The following RBFOX1 variants were observed in gnomAD, a reference collection of about 807,000 sequenced individuals.
The protein encoded by RBFOX1 is RNA binding fox-1 homolog 1.
In RBFOX1, 8 loss-of-function variants were observed where a neutral mutation model predicts 57.7. That is an observed-to-expected ratio of 0.14 (90% CI 0.08 to 0.25). RBFOX1 has a LOEUF of 0.25. Among genes scored for constraint, RBFOX1 ranks in the 10% least tolerant of loss-of-function variants. The pLI, the probability that RBFOX1 is intolerant of heterozygous loss-of-function variation, is 1.00. For missense variants in RBFOX1, 611 were observed against 548.5 expected (o/e 1.11, Z -1.14); for synonymous variants, 326 against 222.4 (o/e 1.47, Z -4.15).
intron 3 of RBFOX1, among the ~76,000 whole-genome samples, chr16:5,839,664 A>C (rs2056566522): frequency 6.6e-6 from 1 of 152,174 alleles, no homozygotes; most frequent in African/African-American, 2.4e-5. Context: ...TTCAAGCTTT[A>C]CTTAACAGTT....
intron 4 of RBFOX1, among the ~76,000 whole-genome samples, chr16:7,447,430 C>CAAAAAAAAAAAAA (rs202234230): frequency 6.1e-5 from 6 of 98,518 alleles, no homozygotes; most frequent in African/African-American, 1.5e-4. Context: ...GAGTCTATCT[C>CAAAAAAAAAAAAA]AAAAAAAAAA....
At chr16:6,996,476 C>G (rs949995990) in intron 3 of RBFOX1, among the ~76,000 whole-genome samples, 1 of 152,090 alleles carries the variant, frequency 6.6e-6, no homozygotes, top group African/African-American at 2.4e-5. Flanking sequence ...TATATCCATC[C>G]TCCTATCTGG....
At chr16:6,239,574 C>G (rs761975595) in intron 1 of RBFOX1, among the ~76,000 whole-genome samples, 11 of 135,170 alleles carry the variant, frequency 8.1e-5, no homozygotes, top group Middle Eastern at 4.2e-3. Flanking sequence ...CCTCGGCTTA[C>G]TGCATCCTCC....
intron 1 of RBFOX1, among the ~76,000 whole-genome samples, chr16:6,263,400 C>A (rs1212229387): frequency 1.3e-5 from 2 of 152,102 alleles, no homozygotes; most frequent in East Asian, 3.9e-4. Flanking sequence ...AAGAGAGAGG[C>A]TCTGATAAAC....
intron 3 of RBFOX1, among the ~76,000 whole-genome samples, chr16:5,762,288 A>G (rs1429954034): frequency 6.6e-6 from 1 of 152,160 alleles, no homozygotes; most frequent in Non-Finnish European, 1.5e-5. Context: ...GGGTAGCAAC[A>G]AAGGATTTAA....
intron 3 of RBFOX1, among the ~76,000 whole-genome samples, chr16:7,001,398 T>TGTATGTGTATGTGTATTTGTATA (rs2092782327): frequency 1.4e-4 from 14 of 100,922 alleles, no homozygotes; most frequent in African/African-American, 4.5e-4. Context: ...GTATGTGTAT[T>TGTATGTGTATGTGTATTTGTATA]TGTATATGTA....
At chr16:7,165,933 TACACACACAC>T (rs889669390) in intron 4 of RBFOX1, among the ~76,000 whole-genome samples, 3 of 143,260 alleles carry the variant, frequency 2.1e-5, no homozygotes, top group Admixed American at 1.4e-4. Flanking sequence ...CGCATGCACA[TACACACACAC>T]ACACACACAC....
rs185120371 is a variant in RBFOX1, at chr16:7,189,287, G to C, written c.27+137189G>C. On this transcript the variant is annotated intron_variant, in intron 4 of 15. Coordinates refer to ENST00000550418, the MANE Select transcript of RBFOX1 (RefSeq NM_018723.4). ...AAAAATACAAAAAAATTAGCCGGGC[G>C]TGGTGGCGGGCGCCTGAAGTCACAG... Among the ~76,000 whole-genome samples the C allele has an allele frequency of 1.6e-4, 24 of 151,850 alleles. 1 individual carries two copies. The highest frequency in any genetic ancestry group is 5.8e-4 in the African/African-American group (24 of 41,426).
In RBFOX1 at chr16:7,517,915, A is replaced by G. The variant is rs537853430; in HGVS notation, c.28-232A>G. 5.3e-5 allele frequency among the ~76,000 whole-genome samples: 8 copies of G among 151,798 alleles called. No homozygotes were observed. The East Asian group carries it at 7.8e-4, about 15-fold the overall frequency. ...GCTTGGAAAAAGCGACTTTATCTTTATCTTTCCAAGCCTCGGTTTCTGCAT... is the reference window on the plus strand; with the variant it reads ...GCTTGGAAAAAGCGACTTTATCTTTGTCTTTCCAAGCCTCGGTTTCTGCAT... On this transcript the variant is annotated intron_variant, in intron 4 of 15. Transcript: ENST00000550418.
chr16:7,007,490 T>C (rs1236001330), intron 3 of RBFOX1, among the ~76,000 whole-genome samples: 1 of 152,214 alleles, frequency 6.6e-6, no homozygotes, highest in African/African-American at 2.4e-5. Context: ...ATTTGTCATG[T>C]CACGCATCGT....
At chr16:5,915,879 A>G (rs1186506364) in intron 4 of RBFOX1, among the ~76,000 whole-genome samples, 3 of 152,182 alleles carry the variant, frequency 2.0e-5, no homozygotes, top group Non-Finnish European at 4.4e-5. Flanking sequence ...CATTACCATC[A>G]TAAGCCTTAA....
intron 4 of RBFOX1, among the ~76,000 whole-genome samples, chr16:5,912,648 C>T (rs777171699): frequency 1.3e-5 from 2 of 152,172 alleles, no homozygotes; most frequent in Non-Finnish European, 2.9e-5. Flanking sequence ...ATAATTATTT[C>T]CTATTTGCTT....
intron 3 of RBFOX1, among the ~76,000 whole-genome samples, chr16:5,808,399 C>T (rs1050223456): frequency 1.1e-4 from 16 of 152,204 alleles, no homozygotes; most frequent in African/African-American, 3.1e-4. Context: ...CTTGGCGATG[C>T]GGGCTCTTTT....
In RBFOX1 at chr16:6,378,464, C is replaced by T. The variant is rs75181680; in HGVS notation, c.-64+61407C>T. ...GTTGAGCAGGGTTGCAATTGTAGCC[C>T]GTCACTTTGGTCTTGGTGTTCCATC... On this transcript the variant is annotated intron_variant, in intron 2 of 15. Coordinates refer to ENST00000550418, the MANE Select transcript of RBFOX1 (RefSeq NM_018723.4). Among the ~76,000 whole-genome samples, 196 of 152,280 alleles carry T rather than the reference C, an allele frequency of 1.3e-3. 2 individuals are homozygous for T. In the East Asian group the frequency reaches 0.031, roughly 24 times the overall value.
At chr16:6,444,401 G>A (rs2094444724) in intron 2 of RBFOX1, among the ~76,000 whole-genome samples, 1 of 152,122 alleles carries the variant, frequency 6.6e-6, no homozygotes, top group Non-Finnish European at 1.5e-5. Context: ...TACGGGTCAT[G>A]GGAGGGAACC....
intron 4 of RBFOX1, among the ~76,000 whole-genome samples, chr16:7,166,355 A>G (rs1219692887): frequency 6.6e-6 from 1 of 152,128 alleles, no homozygotes; most frequent in African/African-American, 2.4e-5. Context: ...CAAATCAGCA[A>G]ATAGCTTGTG....
At chr16:5,921,945 A>T (rs2058832250) in intron 4 of RBFOX1, among the ~76,000 whole-genome samples, 1 of 151,816 alleles carries the variant, frequency 6.6e-6, no homozygotes, top group South Asian at 2.1e-4. Flanking sequence ...TGAGGCTAGG[A>T]GTTTGCGACT....
intron 3 of RBFOX1, among the ~76,000 whole-genome samples, chr16:6,807,879 C>A (rs956044186): frequency 7.2e-6 from 1 of 138,864 alleles, no homozygotes. Flanking sequence ...ATATCTAGTT[C>A]TGTTGAATAT....
At chr16:6,641,419 C>G (rs983034792) in intron 2 of RBFOX1, among the ~76,000 whole-genome samples, 1 of 152,130 alleles carries the variant, frequency 6.6e-6, no homozygotes, top group African/African-American at 2.4e-5. Context: ...GCTGGTGATG[C>G]AGACACTCAT....
Sources: gnomAD v4.1 joint callset for allele counts (sites outside exome capture counted in the v4.1 genomes callset) on GRCh38, gnomAD v4.1.1 for gene constraint, MANE v1.5 for transcripts, NCBI Gene and HGNC (gene_info 2026-07-23, HGNC 2026-07-21) for gene names.